MFN2: variants seen among roughly 807,000 people sequenced by gnomAD.
MFN2 encodes mitofusin-2.
In MFN2, 43 loss-of-function variants were observed where a neutral mutation model predicts 87.5. The ratio of observed to expected loss-of-function variants is 0.49; its 90% CI spans 0.38 to 0.63. The LOEUF (loss-of-function observed/expected upper bound fraction) is 0.63. Ranked by LOEUF, MFN2 falls within the 30% of genes least tolerant of loss-of-function variation. The probability of loss-of-function intolerance (pLI) is 0.00; values close to 1 mark genes in which losing one functional copy is unlikely to be tolerated. For synonymous variants in MFN2, 337 were observed against 359.9 expected (o/e 0.94, Z 0.72); for missense variants, 743 against 972.8 (o/e 0.76, Z 3.14).
chr1:12,004,832 A>G lies in MFN2; in HGVS notation c.1400A>G (p.His467Arg). ...TCCCTCTTCTGGTGGCAGGAGCTGC[A>G]CCGCCACATAGAGGAAGGACTGGGT... The part of the protein sequence containing the change: ...VVLKVYKNEL[H>R]RHIEEGLGRN... Residue 467 changes from histidine (H) to arginine (R), a missense_variant, in exon 14 of 19, where the codon CAC becomes CGC. This residue lies in a region of MFN2 where 571 missense variants were observed against 670.7 expected (regional missense o/e 0.85). Coordinates refer to ENST00000235329, the MANE Select transcript of MFN2 (RefSeq NM_014874.4). This position sits in a 1 kb window ranked among gnomAD's most constrained non-coding sequence, Gnocchi z 4.2. 1 of 1,613,674 alleles carries G rather than the reference A, an allele frequency of 6.2e-7. No individual in the cohort carries two copies.
Position 12,004,188 on chromosome 1 carries a change from C to T in MFN2, c.1287+70C>T. 6.3e-7 allele frequency: 1 copy of T among 1,595,152 alleles called. No homozygotes were observed. The highest frequency in any genetic ancestry group is 8.6e-7 in the Non-Finnish European group (1 of 1,167,008). ...GTAGAGTCCAGAAGAAAGCAGACCT[C>T]CTCCTCTTAGGGACTTCTCAGCCTT... On this transcript the variant is annotated intron_variant, in intron 12 of 18. Coordinates refer to ENST00000235329, the MANE Select transcript of MFN2 (RefSeq NM_014874.4). The surrounding 1 kb of genome is among the most constrained non-coding windows in gnomAD (Gnocchi z 4.2).
In MFN2 at chr1:12,009,595, A is replaced by G. The variant is rs763936126; in HGVS notation, c.2073A>G (p.Glu691=). The G allele has an allele frequency of 2.5e-6, 4 of 1,614,068 alleles. No homozygotes were observed. Among genetic ancestry groups the G allele is most frequent in the Non-Finnish European group, 3.4e-6 (4 of 1,180,016 alleles). The change falls in exon 18 of 19, where the codon GAA becomes GAG. Residue 691 remains glutamate (E), a synonymous_variant. Coordinates refer to ENST00000235329, the MANE Select transcript of MFN2 (RefSeq NM_014874.4). ...GSNCSHQVQQ[E]LSGTFAHLCQ... ...GTCCCTTCTCTCTCCTCCCCAGGGA[A>G]CTGTCTGGGACCTTTGCTCATCTGT...
Position 11,996,285 on chromosome 1 carries a change from T to C in MFN2, c.441T>C (p.Leu147=). 6.2e-7 allele frequency: 1 copy of C among 1,614,146 alleles called. No individual in the cohort carries two copies. The highest frequency in any genetic ancestry group is 8.5e-7 in the Non-Finnish European group (1 of 1,180,014). ...CAGATGGCCATGAGGCCTTTCTCCT[T>C]ACCGAGGGCTCAGAGGAAAAGAGGA... ...EGTDGHEAFL[L]TEGSEEKRSA... Residue 147 remains leucine (L), a synonymous_variant, in exon 5 of 19, where the codon CTT becomes CTC. Transcript: ENST00000235329.
chr1:12,001,914 C>T (rs1182686127), intron 10 of MFN2, 68 bp from the exon 11 acceptor site: 14 of 1,614,124 alleles, frequency 8.7e-6, no homozygotes. Context: ...CAGTGAAAAC[C>T]AGAGTCTGGC....
At chr1:11,997,804 A>G (rs1415316903) in intron 6 of MFN2, among the ~76,000 whole-genome samples, 1 of 150,868 alleles carries the variant, frequency 6.6e-6, no homozygotes, top group Non-Finnish European at 1.5e-5. Flanking sequence ...GGTTATAACT[A>G]TACCAACATG....
Position 11,997,214 on chromosome 1 carries a change from CT to C in MFN2, c.475-82del, listed in dbSNP as rs2100825758. The C allele has an allele frequency of 3.1e-6, 5 of 1,596,554 alleles. No homozygotes were observed. In the South Asian group the frequency reaches 5.5e-5, roughly 18 times the overall value. On this transcript the variant is annotated intron_variant, in intron 5 of 18. Coordinates refer to ENST00000235329, the MANE Select transcript of MFN2 (RefSeq NM_014874.4). ...AGCAGATGGGCAGCATTCCCAGCCA[CT>C]GTGCTGTGATGCAGCGGCACAGGAA...
chr1:11,985,375 G>A (rs1004324808), intron 2 of MFN2, among the ~76,000 whole-genome samples: 3 of 149,510 alleles, frequency 2.0e-5, no homozygotes, highest in African/African-American at 7.4e-5. Context: ...CAGAAATAAT[G>A]TAGTCACAAT....
chr1:11,991,950 A>AAAAAAAAAAAAG (rs1202436105), intron 3 of MFN2, among the ~76,000 whole-genome samples: 1 of 142,664 alleles, frequency 7.0e-6, no homozygotes, highest in African/African-American at 2.8e-5. Flanking sequence ...AAAAAAAAAA[A>AAAAAAAAAAAAG]AAGAAGTGAC....
At chr1:11,988,592 A>G (rs1344231051) in intron 2 of MFN2, among the ~76,000 whole-genome samples, 1 of 152,018 alleles carries the variant, frequency 6.6e-6, no homozygotes, top group Non-Finnish European at 1.5e-5. Flanking sequence ...GCTAGAGTGC[A>G]GTGGACTGAT....
rs553870983 is a variant in MFN2 at position 11,997,299 on chromosome 1, T to A, written c.477T>A (p.Thr159=). 1 of 1,614,154 alleles carries A rather than the reference T, an allele frequency of 6.2e-7. No individual in the cohort carries two copies. Among genetic ancestry groups the A allele is most frequent in the African/African-American group, 1.3e-5 (1 of 75,064 alleles). The change falls in exon 6 of 19, where the codon ACT becomes ACA. Residue 159 remains threonine, a splice_region_variant and synonymous_variant. Transcript: ENST00000235329. ...EGSEEKRSAK[T]VNQLAHALHQ... The stretch of plus-strand genomic sequence containing the variant: ...TTCTTTCCTTCCTCTGCCATCAGAC[T>A]GTGAACCAGCTGGCCCATGCCCTCC...
In MFN2 at chr1:12,011,743, C is replaced by G; in HGVS notation, c.*178C>G. 2 of 660,556 alleles carry G rather than the reference C, an allele frequency of 3.0e-6. No homozygotes were observed. Among genetic ancestry groups the G allele is most frequent in the South Asian group, 3.6e-5 (2 of 55,380 alleles). 40.9% of individuals were successfully genotyped at this position (660,556 alleles called of 1,614,324 possible). On this transcript the variant is annotated 3_prime_UTR_variant, in exon 19 of 19. Transcript: ENST00000235329. ...ACTACTTATTTTCCCCCACCTTTGCCTGCTGTTGCTGGAAGAGCTGGCTCA... is the reference window on the plus strand; with the variant it reads ...ACTACTTATTTTCCCCCACCTTTGCGTGCTGTTGCTGGAAGAGCTGGCTCA...
intron 2 of MFN2, among the ~76,000 whole-genome samples, chr1:11,985,216 A>G (rs1638339851): frequency 6.6e-6 from 1 of 152,196 alleles, no homozygotes. Context: ...ATTTGGTCAC[A>G]GAAGTCTCTT....
At position 11,987,624 on chromosome 1, in the gene MFN2, T is replaced by C. The variant is rs1638473545; in HGVS notation, c.-4-1541T>C. Among the ~76,000 whole-genome samples the C allele has an allele frequency of 3.8e-5, 4 of 105,706 alleles. No homozygotes were observed. In the South Asian group the frequency reaches 1.4e-3, roughly 37 times the overall value. The allele number at this position is 105,706 out of a possible 152,430, so 69.3% of individuals were successfully genotyped here. A position where few individuals can be genotyped will look rare whatever the true frequency, so the allele number is the denominator to read the frequency against. On this transcript the variant is annotated intron_variant, in intron 2 of 18. Transcript: ENST00000235329. ...CAGCCTGAGCGATAGAGCAAGACTC[T>C]GTCTCAGAAAAAAAAAAAAAAAATG...
rs1229624485 is a variant in MFN2, at chr1:12,004,656, A to G, written c.1392+43A>G. ...AGGTCCTCTTGGCAGGAGGCCCCCA[A>G]AAGTGATTCAACCCCTGTTGGTCTG... is the stretch of plus-strand genomic sequence containing the variant. On this transcript the variant is annotated intron_variant, in intron 13 of 18. Transcript: ENST00000235329. This position sits in a 1 kb window ranked among gnomAD's most constrained non-coding sequence, Gnocchi z 4.2. The G allele has an allele frequency of 1.3e-6, 2 of 1,585,096 alleles. No homozygotes were observed. Among genetic ancestry groups the G allele is most frequent in the Non-Finnish European group, 1.7e-6 (2 of 1,153,848 alleles).
chr1:11,995,725 A>G (rs1195282451), intron 4 of MFN2, among the ~76,000 whole-genome samples: 1 of 152,176 alleles, frequency 6.6e-6, no homozygotes, highest in African/African-American at 2.4e-5. Context: ...CTTCATGTGT[A>G]AGGAGGAGCG....
At chr1:11,997,561 C>G in intron 6 of MFN2, 140 bp downstream of exon 6, 1 of 1,173,366 alleles carries the variant, frequency 8.5e-7, no homozygotes, top group Admixed American at 2.0e-5. Context: ...TCAACCAAAT[C>G]CTCTGGCCTC....
At chr1:11,997,038 C>CAAAAA (rs35141271) in intron 5 of MFN2, among the ~76,000 whole-genome samples, 1 of 99,800 alleles carries the variant, frequency 1.0e-5, no homozygotes, top group Non-Finnish European at 2.1e-5. Context: ...GACTCCGTCT[C>CAAAAA]AAAAAAAAAA....
intron 15 of MFN2, 100 bp from the exon 16 acceptor site, chr1:12,006,438 A>G: frequency 6.7e-7 from 1 of 1,502,182 alleles, no homozygotes; most frequent in South Asian, 1.1e-5. Context: ...TTGAAGAGCC[A>G]CTCTGTGTCC....
Position 12,011,804 on chromosome 1 carries a change from C to T in MFN2, c.*239C>T. Reference sequence around the variant, plus strand: ...GGACACTTTCAGCGACAGCTATGGACAGCATGGTACCAAGGAGTTAAGTTG... The same window carrying T: ...GGACACTTTCAGCGACAGCTATGGATAGCATGGTACCAAGGAGTTAAGTTG... On this transcript the variant is annotated 3_prime_UTR_variant, in exon 19 of 19. Transcript: ENST00000235329. The T allele has an allele frequency of 1.7e-6, 1 of 588,958 alleles. No individual in the cohort carries two copies. The allele number at this position is 588,958 out of a possible 1,614,324, so 36.5% of individuals were successfully genotyped here. A position where few individuals can be genotyped will look rare whatever the true frequency, so the allele number is the denominator to read the frequency against.
Sources: allele counts gnomAD v4.1 joint callset (sites outside exome capture counted in the v4.1 genomes callset), GRCh38; gene constraint gnomAD v4.1.1; regional missense constraint gnomAD v4.1.1; non-coding constraint Gnocchi (gnomAD v3.1); transcripts MANE v1.5; gene names NCBI Gene and HGNC (gene_info 2026-07-23, HGNC 2026-07-21).